ANO3: variants seen among roughly 807,000 people sequenced by gnomAD.
ANO3 encodes the protein anoctamin-3.
In ANO3, 99 loss-of-function variants were observed where a neutral mutation model predicts 144.8. The ratio of observed to expected loss-of-function variants is 0.68; its 90% confidence interval spans 0.58 to 0.81. ANO3 has a LOEUF of 0.81. Ranked by LOEUF, ANO3 falls within the 30% of genes least tolerant of loss-of-function variation. The pLI is 0.00. For synonymous variants in ANO3, 414 were observed against 392.6 expected (o/e 1.05, Z -0.64); for missense variants, 905 against 1,202.2 (o/e 0.75, Z 3.66).
chr11:26,660,453 T>C lies in ANO3; in HGVS notation c.*9T>C, dbSNP rs117099158. On this transcript the variant is annotated 3_prime_UTR_variant, in exon 27 of 27. Transcript: ENST00000256737. ...ACCATGAATGGCCTTAGTTGACACC[T>C]GTTACCCATTAGGGGTGATAACATT... 3.1e-3 allele frequency: 4,929 copies of C among 1,607,150 alleles called. 16 individuals are homozygous for C. Among genetic ancestry groups the C allele is most frequent in the Non-Finnish European group, 3.5e-3 (4,159 of 1,177,112 alleles).
intron 1 of ANO3, among the ~76,000 whole-genome samples, chr11:26,284,049 G>T (rs77999432): frequency 0.06 from 9,083 of 152,166 alleles, 494 homozygotes; most frequent in African/African-American, 0.14. Context: ...TGGTATGGCG[G>T]GAGGAGGGAA....
At position 26,641,706 on chromosome 11, in the gene ANO3, A is replaced by T. The variant is rs4298853; in HGVS notation, c.2142-190A>T. Among the ~76,000 whole-genome samples, 57,891 of 151,024 alleles carry T rather than the reference A, an allele frequency of 0.38. 11,266 individuals are homozygous for T. The highest frequency in any genetic ancestry group is 0.5 in the East Asian group (2,521 of 5,044). Reference sequence around the variant, plus strand: ...AAGTTTTTCAAAAGATTTAAAAAAAATTTTTTAAGATATTTAAGCTTTCAA... The same window carrying T: ...AAGTTTTTCAAAAGATTTAAAAAAATTTTTTTAAGATATTTAAGCTTTCAA... On this transcript the variant is annotated intron_variant, in intron 21 of 26. Coordinates refer to ENST00000256737, the MANE Select transcript of ANO3 (RefSeq NM_031418.4).
At chr11:26,559,416 C>G (rs1850193121) in intron 13 of ANO3, 2 of 232,246 alleles carry the variant, frequency 8.6e-6, no homozygotes, top group Admixed American at 1.1e-4. Flanking sequence ...GTTTGACAAT[C>G]TGTGACCCAC....
chr11:26,262,490 G>A (rs1200847653), intron 1 of ANO3, among the ~76,000 whole-genome samples: 1 of 151,994 alleles, frequency 6.6e-6, no homozygotes, highest in African/African-American at 2.4e-5. Flanking sequence ...CTTATACTGT[G>A]GGATGACAAT....
chr11:26,272,346 A>G (rs1053387437), intron 1 of ANO3, among the ~76,000 whole-genome samples: 13 of 152,180 alleles, frequency 8.5e-5, no homozygotes, highest in Non-Finnish European at 1.8e-4. Context: ...AATCCAGCAT[A>G]AGGACCATTG....
intron 1 of ANO3, among the ~76,000 whole-genome samples, chr11:26,407,967 A>G (rs1379677446): frequency 6.6e-6 from 1 of 151,946 alleles, no homozygotes; most frequent in African/African-American, 2.4e-5. Context: ...TTATTCTTTA[A>G]TTAATTCAAG....
intron 6 of ANO3, among the ~76,000 whole-genome samples, chr11:26,521,266 A>G (rs908854176): frequency 3.3e-5 from 5 of 152,198 alleles, no homozygotes; most frequent in African/African-American, 1.2e-4. Flanking sequence ...AAACATATGT[A>G]TCTCTTTTTA....
intron 14 of ANO3, among the ~76,000 whole-genome samples, chr11:26,587,679 AG>A: frequency 6.6e-6 from 1 of 152,282 alleles, no homozygotes; most frequent in South Asian, 2.1e-4. Flanking sequence ...GGTTGGGGCC[AG>A]GTGCGGTGGC....
At chr11:26,638,656 T>C (rs2133051946) in intron 20 of ANO3, among the ~76,000 whole-genome samples, 1 of 152,320 alleles carries the variant, frequency 6.6e-6, no homozygotes, top group Non-Finnish European at 1.5e-5. Flanking sequence ...AAATATACCA[T>C]GGTAATGTAT....
At chr11:26,271,494 A>G (rs1464210637) in intron 1 of ANO3, among the ~76,000 whole-genome samples, 4 of 152,204 alleles carry the variant, frequency 2.6e-5, no homozygotes, top group South Asian at 2.1e-4. Flanking sequence ...TTTTATGAAT[A>G]TTATCCAGGA....
chr11:26,630,704 T>G (rs1852749606), intron 18 of ANO3, among the ~76,000 whole-genome samples: 1 of 152,198 alleles, frequency 6.6e-6, no homozygotes, highest in African/African-American at 2.4e-5. Context: ...CGAGATATAG[T>G]TTTCTTTTCT....
At chr11:26,545,894 C>T (rs1351824916) in intron 11 of ANO3, among the ~76,000 whole-genome samples, 1 of 83,886 alleles carries the variant, frequency 1.2e-5, no homozygotes, top group African/African-American at 3.7e-5. Flanking sequence ...TTTTACATGG[C>T]ACCAGCTCCT....
intron 12 of ANO3, among the ~76,000 whole-genome samples, chr11:26,549,243 C>A (rs968514039): frequency 6.6e-6 from 1 of 151,950 alleles, no homozygotes. Flanking sequence ...TTAGTAAACT[C>A]TTTTCTTCAG....
chr11:26,271,174 G>A (rs1590226560), intron 1 of ANO3, among the ~76,000 whole-genome samples: 1 of 152,204 alleles, frequency 6.6e-6, no homozygotes, highest in East Asian at 1.9e-4. Flanking sequence ...TGAGAATGTA[G>A]AAAGAGCAAC....
At chr11:26,441,124 T>G (rs1355021026) in intron 1 of ANO3, among the ~76,000 whole-genome samples, 1 of 105,186 alleles carries the variant, frequency 9.5e-6, no homozygotes, top group Non-Finnish European at 2.1e-5. Context: ...TTTTTTTTTT[T>G]TTTTTTTTTT....
intron 12 of ANO3, among the ~76,000 whole-genome samples, chr11:26,548,124 C>T (rs2703412): frequency 0.71 from 107,785 of 151,478 alleles, 38,643 homozygotes; most frequent in East Asian, 0.84. Flanking sequence ...TACTTTCTAC[C>T]CTATTATTAC....
chr11:26,387,935 T>C (rs1856777694), intron 1 of ANO3, among the ~76,000 whole-genome samples: 1 of 152,116 alleles, frequency 6.6e-6, no homozygotes, highest in South Asian at 2.1e-4. Flanking sequence ...AAAGGTCAAG[T>C]ATCCTGGTAC....
intron 1 of ANO3, among the ~76,000 whole-genome samples, chr11:26,202,717 C>T (rs995048248): frequency 6.6e-6 from 1 of 151,306 alleles, no homozygotes; most frequent in Non-Finnish European, 1.5e-5. Flanking sequence ...GAAAGCAACA[C>T]ACAGTTGAGG....
intron 17 of ANO3, among the ~76,000 whole-genome samples, chr11:26,622,205 G>A (rs1356647683): frequency 6.6e-6 from 1 of 152,090 alleles, no homozygotes; most frequent in African/African-American, 2.4e-5. Context: ...GGCATCTTTT[G>A]TAATTTATAA....
Sources: gnomAD v4.1 joint callset for allele counts (sites outside exome capture counted in the v4.1 genomes callset) on GRCh38, gnomAD v4.1.1 for gene constraint, MANE v1.5 for transcripts, NCBI Gene and HGNC (gene_info 2026-07-23, HGNC 2026-07-21) for gene names.